MICAL1: variants seen among roughly 807,000 people sequenced by gnomAD.
The protein encoded by MICAL1 is [F-actin]-monooxygenase MICAL1.
Under a neutral mutation model 131.8 loss-of-function variants are expected in MICAL1, and 95 were observed. The observed-to-expected ratio is 0.72, with a 90% CI of 0.61 to 0.86. The LOEUF is 0.86. Ranked by LOEUF, MICAL1 falls within the 40% of genes least tolerant of loss-of-function variation. MICAL1 has a pLI of 0.00. For missense variants in MICAL1, 1,292 were observed against 1,380.6 expected, an observed-to-expected ratio of 0.94 and a Z score of 1.02; for synonymous variants, 546 against 554.2, an observed-to-expected ratio of 0.99 and a Z score of 0.21.
upstream of MICAL1, chr6:109,456,094 A>C (rs1775737898): frequency 7.8e-6 from 7 of 901,926 alleles, no homozygotes; most frequent in Non-Finnish European, 9.3e-6. Flanking sequence ...GAGGAGCTCG[A>C]GGGTCAGGGC....
rs377004839 is a variant in MICAL1, at chr6:109,448,097, G to GAC, written c.1855+104_1855+105dup. On this transcript the variant is annotated intron_variant, in intron 13 of 24. Transcript: ENST00000358807. Reference sequence around the variant, plus strand: ...CAGAGGGCGCCTTCTTCCTCTTTCTGACACACACACACACACACACCGCCT... The same window carrying GAC: ...CAGAGGGCGCCTTCTTCCTCTTTCTGACACACACACACACACACACACCGCCT... 3,174 of 1,121,916 alleles carry GAC rather than the reference G, an allele frequency of 2.8e-3. 12 individuals are homozygous for GAC. The highest frequency in any genetic ancestry group is 4.2e-3 in the African/African-American group (214 of 51,470). The allele number at this position is 1,121,916 out of a possible 1,614,324, so 69.5% of individuals were successfully genotyped here. A position where few individuals can be genotyped will look rare whatever the true frequency, so the allele number is the denominator to read the frequency against.
rs1025250178 is a variant in MICAL1 at position 109,447,020 on chromosome 6, C to T, written c.2227+53G>A. Reference sequence around the variant, plus strand: ...CCTCTCTACCTCAAGCTCTGTGTCCCCCAAGCAGGGCCAGGCCCAGAGTCT... The same window carrying T: ...CCTCTCTACCTCAAGCTCTGTGTCCTCCAAGCAGGGCCAGGCCCAGAGTCT... On this transcript the variant is annotated intron_variant, in intron 17 of 24. Coordinates refer to ENST00000358807, the MANE Select transcript of MICAL1 (RefSeq NM_022765.4). The T allele has an allele frequency of 6.3e-6, 10 of 1,592,702 alleles. No individual in the cohort carries two copies. In the South Asian group the frequency reaches 9.1e-5, roughly 14 times the overall value.
intron 17 of MICAL1, 43 bp from the exon 18 acceptor site, chr6:109,446,815 C>T: frequency 6.5e-7 from 1 of 1,540,750 alleles, no homozygotes; most frequent in Non-Finnish European, 8.9e-7. Context: ...GTGTGGGCAG[C>T]CCAGTGCCCA....
Position 109,462,238 on chromosome 6 carries a change from G to T in MICAL1, c.14+3426C>A, listed in dbSNP as rs1193958129. The stretch of plus-strand genomic sequence containing the variant: ...AGATACAGGCAGGGGAAGACAACTA[G>T]AAGGGAGGCCTCAGAAGAAACCAAC... On this transcript the variant is annotated intron_variant, in intron 1 of 24. Coordinates refer to the MICAL1 transcript ENST00000630715. Among the ~76,000 whole-genome samples the T allele has an allele frequency of 2.0e-5, 3 of 152,226 alleles. No homozygotes were observed. In the East Asian group the frequency reaches 5.8e-4, roughly 29 times the overall value.
Position 109,455,679 on chromosome 6 carries a change from C to T in MICAL1, c.-44+40G>A, listed in dbSNP as rs983992954. The T allele has an allele frequency of 4.1e-6, 4 of 984,828 alleles. No homozygotes were observed. Among genetic ancestry groups the T allele is most frequent in the Non-Finnish European group, 4.8e-6 (4 of 829,638 alleles). The allele number at this position is 984,828 out of a possible 1,614,324, so 61.0% of individuals were successfully genotyped here. ...GAAGCGCACCCCACCTCACCCCACC[C>T]GGCCGCGGGGCTCGCAGCCGGCTCC... is the stretch of plus-strand genomic sequence containing the variant. On this transcript the variant is annotated intron_variant, in intron 1 of 24. Transcript: ENST00000358807. The surrounding 1 kb of genome is among the most constrained non-coding windows in gnomAD (Gnocchi z 4.7).
chr6:109,447,560 A>C (rs575892608), intron 15 of MICAL1, 120 bp from the exon 16 acceptor site: 2 of 1,457,878 alleles, frequency 1.4e-6, no homozygotes, highest in Non-Finnish European at 9.6e-7. Context: ...GGGAGGCTGG[A>C]TGGGGGGGTT....
At position 109,453,269 on chromosome 6, in the gene MICAL1, T is replaced by G; in HGVS notation, c.565A>C (p.Arg189=). The change falls in exon 4 of 25, where the codon AGG becomes CGG. Residue 189 remains arginine, a synonymous_variant. Coordinates refer to ENST00000358807, the MANE Select transcript of MICAL1 (RefSeq NM_022765.4). ...GGAGCATAGAAATACTTACCCTTCC[T>G]AGGAGGGGGCTGGAGGCCAGTGAAA... ...VTFTGLQPPP[R]KGSGWRAQLQ... is the part of the protein sequence containing the mutation. The G allele has an allele frequency of 6.2e-7, 1 of 1,613,288 alleles. No homozygotes were observed. Among genetic ancestry groups the G allele is most frequent in the Non-Finnish European group, 8.5e-7 (1 of 1,179,390 alleles).
upstream of MICAL1, among the ~76,000 whole-genome samples, chr6:109,460,523 T>TACACAC (rs113472586): frequency 0.072 from 10,607 of 147,716 alleles, 396 homozygotes; most frequent in Middle Eastern, 0.1. Flanking sequence ...TATATATAAA[T>TACACAC]ACACACACAC....
chr6:109,460,811 T>C (rs1160271740), intron 1 of MICAL1, among the ~76,000 whole-genome samples: 1 of 152,112 alleles, frequency 6.6e-6, no homozygotes, highest in East Asian at 1.9e-4. Flanking sequence ...TAATGCTTAT[T>C]AAGGATAACA....
Position 109,447,429 on chromosome 6 carries a change from C to T in MICAL1, c.1998G>A (p.Glu666=). 2 of 1,612,756 alleles carry T rather than the reference C, an allele frequency of 1.2e-6. No homozygotes were observed. The highest frequency in any genetic ancestry group is 1.7e-6 in the Non-Finnish European group (2 of 1,179,396). The change falls in exon 16 of 25, where the codon GAG becomes GAA. Residue 666 remains glutamate, a synonymous_variant. Transcript: ENST00000358807. ...CAGGTGGCACCTCAGTACTTGGGGTCTCGGCCTCCATCTAAGGAGGTAAGT... is the reference window on the plus strand; with the variant it reads ...CAGGTGGCACCTCAGTACTTGGGGTTTCGGCCTCCATCTAAGGAGGTAAGT... ...GKKLRLEMEA[E]TPSTEVPPDP...
At chr6:109,448,975 G>A in intron 11 of MICAL1, 96 bp from the exon 12 acceptor site, 5 of 1,518,910 alleles carry the variant, frequency 3.3e-6, no homozygotes, top group Non-Finnish European at 4.4e-6. Context: ...TGTAGGGGAG[G>A]AGGAGTCAGG....
Position 109,444,607 on chromosome 6 carries a change from T to C in MICAL1, c.3055+118A>G, listed in dbSNP as rs111775757. 11,398 of 1,297,618 alleles carry C rather than the reference T, an allele frequency of 8.8e-3. 57 individuals carry two copies. Among genetic ancestry groups the C allele is most frequent in the Non-Finnish European group, 0.011 (9,727 of 901,258 alleles). 80.4% of individuals were successfully genotyped at this position (1,297,618 alleles called of 1,614,324 possible). ...GGAGCCCCCTCCTCTGGCTTCCTCC[T>C]GAATTGTCTCAGAGGTACACAGACT... On this transcript the variant is annotated intron_variant, in intron 24 of 24. Transcript: ENST00000358807.
intron 17 of MICAL1, 27 bp from the exon 18 acceptor site, chr6:109,446,799 C>G (rs757135309): frequency 6.2e-7 from 1 of 1,604,062 alleles, no homozygotes; most frequent in Non-Finnish European, 8.5e-7. Flanking sequence ...GGGGAGGAGG[C>G]ATTTGGTGTG....
intron 13 of MICAL1, 87 bp downstream of exon 13, chr6:109,448,116 A>ACACACACACACACACC (rs1420657642): frequency 5.2e-6 from 7 of 1,333,930 alleles, no homozygotes; most frequent in South Asian, 4.0e-5. Flanking sequence ...ACACACACAC[A>ACACACACACACACACC]CCGCCTTCTC....
In MICAL1 at chr6:109,455,694, C is replaced by G; in HGVS notation, c.-44+25G>C. ...TCACCCCACCCGGCCGCGGGGCTCGCAGCCGGCTCCGCTGGACGACTTACC... is the reference window on the plus strand; with the variant it reads ...TCACCCCACCCGGCCGCGGGGCTCGGAGCCGGCTCCGCTGGACGACTTACC... On this transcript the variant is annotated intron_variant, in intron 1 of 24. Coordinates refer to ENST00000358807, the MANE Select transcript of MICAL1 (RefSeq NM_022765.4). The surrounding 1 kb of genome is among the most constrained non-coding windows in gnomAD (Gnocchi z 4.7). 1 of 984,854 alleles carries G rather than the reference C, an allele frequency of 1.0e-6. No individual in the cohort carries two copies. 61.0% of individuals were successfully genotyped at this position (984,854 alleles called of 1,614,324 possible).
At chr6:109,451,446 G>A (rs1354919858) in intron 7 of MICAL1, among the ~76,000 whole-genome samples, 154 bp downstream of exon 7, 1 of 152,164 alleles carries the variant, frequency 6.6e-6, no homozygotes, top group African/African-American at 2.4e-5. Context: ...GAGCCACCAT[G>A]CCTGGCCAAG....
At chr6:109,446,596 G>T in intron 18 of MICAL1, 100 bp downstream of exon 18, 1 of 1,401,498 alleles carries the variant, frequency 7.1e-7, no homozygotes, top group Non-Finnish European at 1.0e-6. Context: ...TTACATGCTA[G>T]TAGAAGACGA....
At chr6:109,463,849 T>C (rs1423520484) in intron 1 of MICAL1, 3 of 152,270 alleles carry the variant, frequency 2.0e-5, no homozygotes, top group Non-Finnish European at 4.4e-5. Context: ...TTTTATGTTT[T>C]TAAAAGTTGC....
At position 109,450,403 on chromosome 6, in the gene MICAL1, G is replaced by C; in HGVS notation, c.1088C>G (p.Ala363Gly). Residue 363 changes from alanine (A) to glycine (G), a missense_variant, in exon 8 of 25, where the codon GCC (alanine) becomes GGC (glycine). Ala to Gly is a moderately conservative substitution (Grantham distance 60, BLOSUM62 0). Coordinates refer to ENST00000358807, the MANE Select transcript of MICAL1 (RefSeq NM_022765.4). ...CCGCATCATGCTCGTGAAGTCAAAG[G>C]CAGAGACATCAGGCTGCCCATGGGC... ...QDAHGQPDVS[A>G]FDFTSMMRAE... 1.2e-6 allele frequency: 2 copies of C among 1,613,596 alleles called. No individual in the cohort carries two copies. The highest frequency in any genetic ancestry group is 1.7e-6 in the Non-Finnish European group (2 of 1,179,964).
Sources: allele counts gnomAD v4.1 joint callset (sites outside exome capture counted in the v4.1 genomes callset), GRCh38; gene constraint gnomAD v4.1.1; non-coding constraint Gnocchi (gnomAD v3.1); transcripts MANE v1.5; gene names NCBI Gene and HGNC (gene_info 2026-07-23, HGNC 2026-07-21).